TNPO3: variants seen among roughly 807,000 people sequenced by gnomAD.
TNPO3 encodes the protein transportin 3, also known as transportin-3.
A neutral mutation model predicts 122.8 loss-of-function variants in TNPO3; 65 were observed. That is an observed-to-expected ratio of 0.53 (90% CI 0.43 to 0.65). The LOEUF (loss-of-function observed/expected upper bound fraction) is 0.65, where lower values mean the gene tolerates loss of function less well. TNPO3 is among the 30% of genes least tolerant of loss of function. The pLI, the probability that TNPO3 is intolerant of heterozygous loss-of-function variation, is 0.00. For missense variants in TNPO3, 850 were observed against 1,136.7 expected (o/e 0.75, Z 3.63); for synonymous variants, 372 against 411.2 (o/e 0.90, Z 1.15).
At chr7:129,038,422 C>T (rs1309192898) in intron 1 of TNPO3, among the ~76,000 whole-genome samples, 2 of 152,122 alleles carry the variant, frequency 1.3e-5, no homozygotes, top group Non-Finnish European at 2.9e-5. Context: ...AGCAATGTGG[C>T]GATTCCTTGA....
At chr7:129,028,930 C>A in intron 1 of TNPO3, 2 of 432,572 alleles carry the variant, frequency 4.6e-6, no homozygotes, top group South Asian at 1.8e-5. Flanking sequence ...CTGCCACTTG[C>A]TTCCTTGATG....
intron 5 of TNPO3, among the ~76,000 whole-genome samples, chr7:129,002,272 G>A (rs910460411): frequency 3.9e-5 from 6 of 152,160 alleles, no homozygotes; most frequent in African/African-American, 1.4e-4. Context: ...GTTATTTGAG[G>A]GGGTTTGAGA....
At chr7:129,024,344 A>G (rs1804867001) in intron 1 of TNPO3, among the ~76,000 whole-genome samples, 1 of 152,210 alleles carries the variant, frequency 6.6e-6, no homozygotes, top group African/African-American at 2.4e-5. Context: ...GAACCTCCAG[A>G]CCAGCCCAAC....
chr7:128,983,512 C>G (rs929412113), intron 13 of TNPO3, among the ~76,000 whole-genome samples: 42 of 152,128 alleles, frequency 2.8e-4, no homozygotes, highest in Non-Finnish European at 4.4e-5. Flanking sequence ...TGATCAAAGA[C>G]TCCTTTACCA....
chr7:128,997,610 C>T, intron 7 of TNPO3, 75 bp from the exon 8 acceptor site: 2 of 1,238,980 alleles, frequency 1.6e-6, no homozygotes, highest in South Asian at 1.4e-5. Context: ...ATCACCACGA[C>T]CATATAGGAA....
chr7:128,970,028 C>T, intron 20 of TNPO3, 120 bp downstream of exon 20: 1 of 1,181,524 alleles, frequency 8.5e-7, no homozygotes, highest in Non-Finnish European at 1.2e-6. Context: ...GGCAATATGC[C>T]TAAATTTGGT....
rs779400853 is a variant in TNPO3 at position 128,957,325 on chromosome 7, A to G, written c.2712-10T>C. The G allele has an allele frequency of 1.2e-6, 2 of 1,614,104 alleles. No homozygotes were observed. Among genetic ancestry groups the G allele is most frequent in the Non-Finnish European group, 1.7e-6 (2 of 1,179,982 alleles). On this transcript the variant is annotated splice_polypyrimidine_tract_variant and intron_variant, in intron 21 of 22. Transcript: ENST00000265388. ...TTTACATTCCTCAGCACTAGAAAAG[A>G]AAAGGTAGGTTGGTCCTTGACTGAG...
intron 1 of TNPO3, among the ~76,000 whole-genome samples, chr7:129,047,577 AAG>A (rs767917955): frequency 6.6e-6 from 1 of 152,228 alleles, no homozygotes; most frequent in Non-Finnish European, 1.5e-5. Flanking sequence ...ATATTAGAGA[AAG>A]AGAAAAGATG....
chr7:129,036,765 G>A (rs1361725528), intron 1 of TNPO3, among the ~76,000 whole-genome samples: 1 of 151,990 alleles, frequency 6.6e-6, no homozygotes, highest in Non-Finnish European at 1.5e-5. Flanking sequence ...CAAAACTGGA[G>A]AATTTCCATT....
intron 1 of TNPO3, among the ~76,000 whole-genome samples, chr7:129,028,284 T>C (rs1268091047): frequency 6.6e-6 from 1 of 152,172 alleles, no homozygotes; most frequent in Non-Finnish European, 1.5e-5. Flanking sequence ...GTATAAAATC[T>C]AGTATAAAAC....
chr7:128,983,086 GAGCTCTC>G (rs1799792979), intron 13 of TNPO3, among the ~76,000 whole-genome samples: 2 of 152,096 alleles, frequency 1.3e-5, no homozygotes, highest in South Asian at 4.1e-4. Context: ...CTTAAAAACG[GAGCTCTC>G]AGCCATGATG....
rs1026833580 is a variant in TNPO3 at position 129,001,243 on chromosome 7, G to A, written c.697-9C>T. On this transcript the variant is annotated splice_polypyrimidine_tract_variant and intron_variant, in intron 5 of 22. Coordinates refer to ENST00000265388, the MANE Select transcript of TNPO3 (RefSeq NM_012470.4). ...GAGGTCTTATCCTGTTGCTGGGGAG[G>A]TAGCAGGAATAGGGAAGCAAGAAGT... 4 of 1,592,806 alleles carry A rather than the reference G, an allele frequency of 2.5e-6. No individual in the cohort carries two copies. Among genetic ancestry groups the A allele is most frequent in the Non-Finnish European group, 3.4e-6 (4 of 1,163,720 alleles).
intron 13 of TNPO3, among the ~76,000 whole-genome samples, chr7:128,982,881 T>C (rs1374165497): frequency 6.6e-6 from 1 of 152,230 alleles, no homozygotes; most frequent in African/African-American, 2.4e-5. Flanking sequence ...ACTATAAATA[T>C]AACTGGAGAA....
chr7:128,968,758 T>A (rs1307568215), intron 20 of TNPO3, among the ~76,000 whole-genome samples: 1 of 152,190 alleles, frequency 6.6e-6, no homozygotes. Flanking sequence ...CAGCTCAGAC[T>A]GGAGTGCAGT....
Position 129,027,593 on chromosome 7 carries a change from A to ACAC in TNPO3, c.121-9437_121-9436insGTG, listed in dbSNP as rs1297565745. Among the ~76,000 whole-genome samples, 8 of 59,416 alleles carry ACAC rather than the reference A, an allele frequency of 1.3e-4. No individual in the cohort carries two copies. In the South Asian group the frequency reaches 2.8e-3, roughly 21 times the overall value. The allele number at this position is 59,416 out of a possible 152,430, so 39.0% of individuals were successfully genotyped here. ...AAAAAAAAAAAAAAAAAAAAAAAAC[A>ACAC]ACACAAAAAATTCACTAAATACTCC... On this transcript the variant is annotated intron_variant, in intron 1 of 22. Transcript: ENST00000265388.
At chr7:129,002,013 G>A (rs1801999224) in intron 5 of TNPO3, among the ~76,000 whole-genome samples, 1 of 152,230 alleles carries the variant, frequency 6.6e-6, no homozygotes, top group African/African-American at 2.4e-5. Context: ...ACAAAGGTCT[G>A]TAAAATTTCA....
chr7:129,035,954 T>TA (rs150819043), intron 1 of TNPO3, among the ~76,000 whole-genome samples: 2 of 116,690 alleles, frequency 1.7e-5, no homozygotes, highest in African/African-American at 6.3e-5. Context: ...TCTTTTCTTT[T>TA]TTTTTTTTTT....
chr7:129,003,271 A>G (rs10273889), intron 5 of TNPO3, among the ~76,000 whole-genome samples: 42 of 146,326 alleles, frequency 2.9e-4, no homozygotes, highest in African/African-American at 1.0e-3. Flanking sequence ...ATTCTTTTGT[A>G]TATATGAAGT....
At chr7:129,047,817 T>A (rs929329818) in intron 1 of TNPO3, among the ~76,000 whole-genome samples, 1 of 152,212 alleles carries the variant, frequency 6.6e-6, no homozygotes, top group South Asian at 2.1e-4. Flanking sequence ...AACACTATAG[T>A]TATTACTACA....
Sources: allele counts gnomAD v4.1 joint callset (sites outside exome capture counted in the v4.1 genomes callset), GRCh38; gene constraint gnomAD v4.1.1; transcripts MANE v1.5; gene names NCBI Gene and HGNC (gene_info 2026-07-23, HGNC 2026-07-21).